The following SMIM10L3 variants were observed in gnomAD, a reference collection of about 807,000 sequenced individuals.
SMIM10L3 encodes the protein salivary gland specific protein SAGSIN1.
chr7:6,330,704 G>C, the SMIM10L3 span: 1 of 1,614,068 alleles, frequency 6.2e-7, no homozygotes, highest in South Asian at 1.1e-5. Context: ...CGTGACACCC[G>C]AGGCTCTCCT....
chr7:6,341,988 G>C, the SMIM10L3 span: 1 of 151,436 alleles, frequency 6.6e-6, no homozygotes, highest in South Asian at 2.1e-4. Flanking sequence ...ACAAGAACAA[G>C]ACTCCATCTC....
At chr7:6,348,762 G>C in the SMIM10L3 span, 1 of 399,942 alleles carries the variant, frequency 2.5e-6, no homozygotes. Flanking sequence ...CCGCCATATA[G>C]AGACCGGCGC....
chr7:6,331,947 T>A, the SMIM10L3 span, among the ~76,000 whole-genome samples: 1 of 151,608 alleles, frequency 6.6e-6, no homozygotes, highest in Non-Finnish European at 1.5e-5. Flanking sequence ...GGGTTCGCCA[T>A]GTTGGCCAGG....
chr7:6,338,072 G>A, the SMIM10L3 span, among the ~76,000 whole-genome samples: 1 of 152,142 alleles, frequency 6.6e-6, no homozygotes, highest in African/African-American at 2.4e-5. Context: ...CCAAAGCACT[G>A]CGATTACAGG....
chr7:6,348,412 C>G, the SMIM10L3 span, among the ~76,000 whole-genome samples: 23 of 152,154 alleles, frequency 1.5e-4, no homozygotes, highest in African/African-American at 4.8e-4. Context: ...GGATAAGGAC[C>G]ACCTCAGTGG....
At chr7:6,336,001 C>T in the SMIM10L3 span, among the ~76,000 whole-genome samples, 9 of 151,786 alleles carry the variant, frequency 5.9e-5, no homozygotes, top group Non-Finnish European at 8.8e-5. Flanking sequence ...GGTGAAACCC[C>T]GTCTCTACTA....
At chr7:6,333,875 G>A in the SMIM10L3 span, among the ~76,000 whole-genome samples, 1 of 92,298 alleles carries the variant, frequency 1.1e-5, no homozygotes, top group Middle Eastern at 8.2e-3. Flanking sequence ...ACAGAGTCTT[G>A]CTCTTTTTTT....
chr7:6,348,088 T>C, the SMIM10L3 span, among the ~76,000 whole-genome samples: 1 of 151,514 alleles, frequency 6.6e-6, no homozygotes, highest in Non-Finnish European at 1.5e-5. Context: ...TTCTGTATTT[T>C]TAGTAGAGAC....
At chr7:6,332,837 C>G in the SMIM10L3 span, among the ~76,000 whole-genome samples, 1 of 152,094 alleles carries the variant, frequency 6.6e-6, no homozygotes, top group African/African-American at 2.4e-5. Context: ...ACTCTTAATG[C>G]TAAATGGATG....
the SMIM10L3 span, among the ~76,000 whole-genome samples, chr7:6,333,013 C>T: frequency 6.6e-6 from 1 of 151,856 alleles, no homozygotes. Context: ...AGAAAACAGC[C>T]AGACGTGCTG....
chr7:6,343,398 AT>A, the SMIM10L3 span, among the ~76,000 whole-genome samples: 2 of 62 alleles, frequency 0.032, no homozygotes, highest in Non-Finnish European at 0.045. Context: ...TAATAATTTC[AT>A]ATATATATAT....
chr7:6,333,786 T>TA, the SMIM10L3 span, among the ~76,000 whole-genome samples: 1 of 150,458 alleles, frequency 6.6e-6, no homozygotes, highest in Admixed American at 6.7e-5. Flanking sequence ...TTTTTTTTTT[T>TA]AATAGAGACA....
At chr7:6,341,294 T>C in the SMIM10L3 span, among the ~76,000 whole-genome samples, 1 of 151,086 alleles carries the variant, frequency 6.6e-6, no homozygotes, top group African/African-American at 2.4e-5. Flanking sequence ...ATACAAAAAA[T>C]TGGCTGGGCC....
the SMIM10L3 span, among the ~76,000 whole-genome samples, chr7:6,337,095 AGT>A: frequency 6.7e-6 from 1 of 148,362 alleles, no homozygotes; most frequent in Non-Finnish European, 1.5e-5. Flanking sequence ...TTGAGACAAG[AGT>A]CTCTCTCTGT....
At chr7:6,344,274 C>T in the SMIM10L3 span, among the ~76,000 whole-genome samples, 1 of 151,908 alleles carries the variant, frequency 6.6e-6, no homozygotes. Flanking sequence ...TGTTTTTTCA[C>T]AAATGAACAA....
the SMIM10L3 span, among the ~76,000 whole-genome samples, chr7:6,337,985 G>T: frequency 1.3e-5 from 2 of 151,608 alleles, no homozygotes; most frequent in African/African-American, 4.9e-5. Context: ...TGTATTTTCA[G>T]TAGAGACATG....
the SMIM10L3 span, among the ~76,000 whole-genome samples, chr7:6,338,385 G>C: frequency 3.3e-5 from 5 of 152,238 alleles, no homozygotes; most frequent in East Asian, 9.6e-4. Flanking sequence ...AAAAAACAGT[G>C]TAAATGATGG....
At chr7:6,332,725 G>T in the SMIM10L3 span, among the ~76,000 whole-genome samples, 3 of 152,134 alleles carry the variant, frequency 2.0e-5, no homozygotes, top group African/African-American at 7.2e-5. Context: ...AAATTAAAGA[G>T]CAGCAACACT....
At chr7:6,333,486 A>G in the SMIM10L3 span, among the ~76,000 whole-genome samples, 3 of 152,160 alleles carry the variant, frequency 2.0e-5, no homozygotes, top group African/African-American at 4.8e-5. Flanking sequence ...GGGACAGACT[A>G]AAGTTTCATA....
Sources: gnomAD v4.1 joint callset for allele counts (sites outside exome capture counted in the v4.1 genomes callset) on GRCh38, gnomAD v4.1.1 for gene constraint, MANE v1.5 for transcripts, NCBI Gene and HGNC (gene_info 2026-07-23, HGNC 2026-07-21) for gene names.